L3MBTL4: variants seen among roughly 807,000 people sequenced by gnomAD.
L3MBTL4 encodes the protein lethal(3)malignant brain tumor-like protein 4.
L3MBTL4 carries 70 observed loss-of-function variants against 84.5 expected under a neutral mutation model. The ratio of observed to expected loss-of-function variants is 0.83; its 90% CI spans 0.68 to 1.01. The LOEUF (loss-of-function observed/expected upper bound fraction) is 1.01, where lower values mean the gene tolerates loss of function less well. Ranked by LOEUF, L3MBTL4 falls within the 50% of genes least tolerant of loss-of-function variation. L3MBTL4 has a pLI of 0.00. For synonymous variants in L3MBTL4, 274 were observed against 259.8 expected, an observed-to-expected ratio of 1.05 and a Z score of -0.52; for missense variants, 715 against 754.8, an observed-to-expected ratio of 0.95 and a Z score of 0.62.
At chr18:6,283,011 G>A (rs1380468151) in intron 4 of L3MBTL4, among the ~76,000 whole-genome samples, 5 of 152,158 alleles carry the variant, frequency 3.3e-5, no homozygotes, top group African/African-American at 1.2e-4. Flanking sequence ...ACTGATCTTG[G>A]GAGCAACGCC....
chr18:6,338,438 A>C (rs984000559), intron 1 of L3MBTL4, among the ~76,000 whole-genome samples: 9 of 152,108 alleles, frequency 5.9e-5, no homozygotes, highest in African/African-American at 2.2e-4. Context: ...CAATAATACA[A>C]AAGATGACAA....
chr18:6,268,107 TA>T (rs1246082255), intron 4 of L3MBTL4, among the ~76,000 whole-genome samples: 1 of 152,202 alleles, frequency 6.6e-6, no homozygotes, highest in Admixed American at 6.5e-5. Context: ...TGCCTTGCCA[TA>T]AATATTTGTT....
intron 12 of L3MBTL4, among the ~76,000 whole-genome samples, chr18:6,184,803 C>T (rs1438951024): frequency 6.6e-6 from 1 of 152,090 alleles, no homozygotes; most frequent in Non-Finnish European, 1.5e-5. Context: ...CAGTCAGAAC[C>T]CCGCGTAAAA....
chr18:6,184,161 C>T lies in L3MBTL4; in HGVS notation c.982-12219G>A, dbSNP rs75076794. ...GGGTAGGTTACATATTTTCCCTATC[C>T]ATTCTAATAATTTATGTATTAGTAC... is the stretch of plus-strand genomic sequence containing the variant. On this transcript the variant is annotated intron_variant, in intron 12 of 18. Transcript: ENST00000317931. 7.3e-3 allele frequency among the ~76,000 whole-genome samples: 1,108 copies of T among 152,268 alleles called. 11 individuals are homozygous for T. Among genetic ancestry groups the T allele is most frequent in the African/African-American group, 0.022 (927 of 41,566 alleles).
intron 16 of L3MBTL4, among the ~76,000 whole-genome samples, chr18:6,016,433 T>G (rs2054982048): frequency 6.6e-6 from 1 of 152,182 alleles, no homozygotes; most frequent in Admixed American, 6.5e-5. Flanking sequence ...GGCATGTGTT[T>G]TTATCCTTTG....
At chr18:6,071,494 G>A (rs2145979950) in intron 16 of L3MBTL4, among the ~76,000 whole-genome samples, 1 of 151,564 alleles carries the variant, frequency 6.6e-6, no homozygotes, top group Non-Finnish European at 1.5e-5. Flanking sequence ...CTGTTGACTG[G>A]GTGCAGTGAC....
chr18:6,301,222 A>G (rs1324529814), intron 4 of L3MBTL4, among the ~76,000 whole-genome samples: 1 of 152,180 alleles, frequency 6.6e-6, no homozygotes, highest in Non-Finnish European at 1.5e-5. Flanking sequence ...TTAAAAGTTA[A>G]TTAGAGGACC....
At chr18:6,157,313 C>T (rs2043144907) in intron 13 of L3MBTL4, among the ~76,000 whole-genome samples, 2 of 152,148 alleles carry the variant, frequency 1.3e-5, no homozygotes, top group African/African-American at 4.8e-5. Context: ...CCTGGTTAGG[C>T]TAACAATATT....
At chr18:5,979,219 C>A (rs1471722869) in intron 16 of L3MBTL4, among the ~76,000 whole-genome samples, 1 of 152,124 alleles carries the variant, frequency 6.6e-6, no homozygotes, top group African/African-American at 2.4e-5. Flanking sequence ...ATTCCCGACC[C>A]CTGGGCACAC....
chr18:6,282,584 C>T (rs539909846), intron 4 of L3MBTL4, among the ~76,000 whole-genome samples: 2 of 152,150 alleles, frequency 1.3e-5, no homozygotes, highest in South Asian at 2.1e-4. Flanking sequence ...CTCGGGAGAC[C>T]GGAAAGGGCA....
intron 16 of L3MBTL4, among the ~76,000 whole-genome samples, chr18:6,061,913 T>C (rs2057235798): frequency 6.6e-6 from 1 of 151,980 alleles, no homozygotes; most frequent in Admixed American, 6.6e-5. Context: ...ATTCTCCCTC[T>C]CATCCCTTAT....
At chr18:6,050,202 G>A (rs764632877) in intron 16 of L3MBTL4, among the ~76,000 whole-genome samples, 6 of 152,096 alleles carry the variant, frequency 3.9e-5, no homozygotes, top group African/African-American at 1.2e-4. Context: ...TCAAAAGATG[G>A]ATGCAAAGTT....
chr18:6,233,120 C>T (rs1599260772), intron 10 of L3MBTL4, among the ~76,000 whole-genome samples: 2 of 151,972 alleles, frequency 1.3e-5, no homozygotes, highest in Admixed American at 6.6e-5. Flanking sequence ...AATTCAACAA[C>T]CCTTCACGCT....
chr18:6,334,206 T>C (rs531070469), intron 1 of L3MBTL4, among the ~76,000 whole-genome samples: 1 of 152,258 alleles, frequency 6.6e-6, no homozygotes, highest in Non-Finnish European at 1.5e-5. Context: ...CCTAAGACCA[T>C]TTGAAAAAGG....
chr18:5,969,160 G>C (rs932290382), intron 17 of L3MBTL4, among the ~76,000 whole-genome samples: 2 of 152,164 alleles, frequency 1.3e-5, no homozygotes, highest in African/African-American at 4.8e-5. Flanking sequence ...CTGGAATAAG[G>C]CTGCGGAGGG....
At chr18:6,128,219 A>G (rs918838030) in intron 14 of L3MBTL4, among the ~76,000 whole-genome samples, 3 of 152,142 alleles carry the variant, frequency 2.0e-5, no homozygotes, top group African/African-American at 7.2e-5. Flanking sequence ...CAACTGAAGG[A>G]TTAGAAGACA....
chr18:6,009,939 G>C (rs2054660093), intron 16 of L3MBTL4, among the ~76,000 whole-genome samples: 1 of 152,112 alleles, frequency 6.6e-6, no homozygotes, highest in Non-Finnish European at 1.5e-5. Flanking sequence ...TTATGAGTCA[G>C]CTATGCACTT....
intron 1 of L3MBTL4, among the ~76,000 whole-genome samples, chr18:6,363,835 G>A (rs184284117): frequency 4.7e-4 from 72 of 152,170 alleles, no homozygotes; most frequent in African/African-American, 1.6e-3. Flanking sequence ...GAGCTTCAAA[G>A]TTATTACATG....
At chr18:6,164,673 C>T (rs974006946) in intron 13 of L3MBTL4, among the ~76,000 whole-genome samples, 3 of 152,154 alleles carry the variant, frequency 2.0e-5, no homozygotes, top group Non-Finnish European at 4.4e-5. Context: ...ACCAAAAACC[C>T]ATCTGTACGT....
Sources: gnomAD v4.1 joint callset for allele counts (sites outside exome capture counted in the v4.1 genomes callset) on GRCh38, gnomAD v4.1.1 for gene constraint, MANE v1.5 for transcripts, NCBI Gene and HGNC (gene_info 2026-07-23, HGNC 2026-07-21) for gene names.